USP38: variants seen among roughly 807,000 people sequenced by gnomAD.
The protein encoded by USP38 is ubiquitin specific peptidase 38.
USP38 carries 49 observed loss-of-function variants against 94.3 expected under a neutral mutation model. The ratio of observed to expected loss-of-function variants is 0.52; its 90% CI spans 0.41 to 0.66. USP38 has a LOEUF of 0.66. Ranked by LOEUF, USP38 falls within the 30% of genes least tolerant of loss-of-function variation. The pLI is 0.00. For missense variants in USP38, 1,128 were observed against 1,229.4 expected (o/e 0.92, Z 1.23); for synonymous variants, 468 against 463.6 (o/e 1.01, Z -0.12).
chr4:143,210,191 G>T (rs1429927158), intron 7 of USP38, among the ~76,000 whole-genome samples: 2 of 152,022 alleles, frequency 1.3e-5, no homozygotes, highest in Non-Finnish European at 2.9e-5. Context: ...TTAATCCGGG[G>T]TCATTAATTT....
chr4:143,189,390 A>T (rs1731330254), intron 2 of USP38, among the ~76,000 whole-genome samples: 1 of 151,908 alleles, frequency 6.6e-6, no homozygotes. Flanking sequence ...GTGTATATTA[A>T]GCACATTTAC....
chr4:143,215,334 T>C, intron 9 of USP38: 1 of 179,674 alleles, frequency 5.6e-6, no homozygotes, highest in Non-Finnish European at 1.2e-5. Context: ...TTTTAAGGGC[T>C]GTTTATTGAT....
At position 143,214,083 on chromosome 4, in the gene USP38, A is replaced by C. The variant is rs767639331; in HGVS notation, c.2107A>C (p.Asn703His). ...VPNESNKILV[N>H]KDVPQKPGGE... ...TAACGAATCTAACAAGATTCTTGTT[A>C]ATAAAGATGTACCTCAGAAACCAGG... Residue 703 changes from asparagine (N) to histidine (H), a missense_variant, in exon 9 of 10, where the codon AAT (asparagine) becomes CAT (histidine). By Grantham distance (68) the Asn-to-His change is moderately conservative (BLOSUM62 1). Transcript: ENST00000307017. 2 of 1,613,652 alleles carry C rather than the reference A, an allele frequency of 1.2e-6. No homozygotes were observed. The highest frequency in any genetic ancestry group is 2.2e-5 in the South Asian group (2 of 91,030).
chr4:143,210,826 G>A (rs1431446802), intron 7 of USP38, among the ~76,000 whole-genome samples: 2 of 151,902 alleles, frequency 1.3e-5, no homozygotes, highest in Non-Finnish European at 2.9e-5. Context: ...TACAAGCTGA[G>A]AAATATCTCA....
intron 7 of USP38, among the ~76,000 whole-genome samples, chr4:143,210,707 C>A (rs942283201): frequency 1.4e-4 from 21 of 151,820 alleles, no homozygotes; most frequent in African/African-American, 5.1e-4. Context: ...GTTTTACTTT[C>A]ATTGCCTTTA....
In USP38 at chr4:143,214,766, G is replaced by T. The variant is rs749406936; in HGVS notation, c.2790G>T (p.Gln930His). Reference sequence around the variant, plus strand: ...CATTTACTTCATTTCAGTCAGTCCAGAAAATTACGAGCAGGTTTCCAAAGG... The same window carrying T: ...CATTTACTTCATTTCAGTCAGTCCATAAAATTACGAGCAGGTTTCCAAAGG... The part of the protein sequence containing the change: ...RVTFTSFQSV[Q>H]KITSRFPKDT... Residue 930 changes from glutamine (Q) to histidine (H), a missense_variant, in exon 9 of 10, where the codon CAG becomes CAT. Coordinates refer to ENST00000307017, the MANE Select transcript of USP38 (RefSeq NM_032557.6). The T allele has an allele frequency of 6.2e-7, 1 of 1,613,736 alleles. No homozygotes were observed. The highest frequency in any genetic ancestry group is 8.5e-7 in the Non-Finnish European group (1 of 1,179,810).
chr4:143,220,399 A>G lies in USP38; in HGVS notation c.3072A>G (p.Gly1024=). The G allele has an allele frequency of 6.2e-7, 1 of 1,613,386 alleles. No homozygotes were observed. The highest frequency in any genetic ancestry group is 8.5e-7 in the Non-Finnish European group (1 of 1,179,578). Residue 1024 remains glycine, a synonymous_variant, in exon 10 of 10, where the codon GGA becomes GGG. Coordinates refer to ENST00000307017, the MANE Select transcript of USP38 (RefSeq NM_032557.6). ...ACAACGACCCACCAGGAAGCTGTGG[A>G]CCAACTGGTGGAGGGGGTGGAGGAG... ...FDDNDPPGSC[G]PTGGGGGGGF...
chr4:143,200,449 A>G (rs1048462743), intron 4 of USP38, among the ~76,000 whole-genome samples: 2 of 152,194 alleles, frequency 1.3e-5, no homozygotes, highest in African/African-American at 4.8e-5. Flanking sequence ...AAAAGCTAGA[A>G]GCATTCCCCT....
intron 9 of USP38, among the ~76,000 whole-genome samples, chr4:143,219,276 T>C (rs2149614568): frequency 6.6e-6 from 1 of 152,104 alleles, no homozygotes; most frequent in South Asian, 2.1e-4. Context: ...TACTGAAAAA[T>C]AAAGTATCTA....
chr4:143,208,108 T>C (rs1440117566), intron 6 of USP38, among the ~76,000 whole-genome samples: 4 of 152,170 alleles, frequency 2.6e-5, no homozygotes, highest in Admixed American at 2.6e-4. Flanking sequence ...ATATATTCTT[T>C]TCCAGCCACT....
rs1732304089 is a variant in USP38, at chr4:143,220,725, A to G, written c.*269A>G. ...AGAAGAAAATATGTACCTGGTCCCT[A>G]ATTAAGCTGCGTTAAATTTGGTAGA... On this transcript the variant is annotated 3_prime_UTR_variant, in exon 10 of 10. Coordinates refer to ENST00000307017, the MANE Select transcript of USP38 (RefSeq NM_032557.6). The G allele has an allele frequency of 4.0e-6, 1 of 253,040 alleles. No individual in the cohort carries two copies. The highest frequency in any genetic ancestry group is 2.2e-5 in the African/African-American group (1 of 44,920). The allele number at this position is 253,040 out of a possible 1,614,324, so 15.7% of individuals were successfully genotyped here. A position where few individuals can be genotyped will look rare whatever the true frequency, so the allele number is the denominator to read the frequency against.
At chr4:143,213,417 G>T (rs956302569) in intron 8 of USP38, among the ~76,000 whole-genome samples, 164 bp from the exon 9 acceptor site, 1 of 152,002 alleles carries the variant, frequency 6.6e-6, no homozygotes, top group African/African-American at 2.4e-5. Context: ...CTTTTTTTCT[G>T]CATTCTCAAA....
chr4:143,190,540 T>C (rs1267260103), intron 2 of USP38, among the ~76,000 whole-genome samples: 1 of 152,084 alleles, frequency 6.6e-6, no homozygotes. Flanking sequence ...TGGCCTGATG[T>C]TGGTGTTTAT....
rs946328456 is a variant in USP38 at position 143,221,839 on chromosome 4, A to G, written c.*1383A>G. 2.6e-5 allele frequency: 4 copies of G among 152,248 alleles called. No homozygotes were observed. Among genetic ancestry groups the G allele is most frequent in the African/African-American group, 9.6e-5 (4 of 41,572 alleles). The allele number at this position is 152,248 out of a possible 1,614,324, so 9.4% of individuals were successfully genotyped here. A position where few individuals can be genotyped will look rare whatever the true frequency, so the allele number is the denominator to read the frequency against. ...CAAGCTTTTATGACAGTGGTTAAAA[A>G]ACAGAAATCCTCATGTTTATTCCAT... On this transcript the variant is annotated 3_prime_UTR_variant, in exon 10 of 10. Coordinates refer to ENST00000307017, the MANE Select transcript of USP38 (RefSeq NM_032557.6).
chr4:143,220,240 T>A, intron 9 of USP38, 55 bp from the exon 10 acceptor site: 1 of 1,514,126 alleles, frequency 6.6e-7, no homozygotes, highest in South Asian at 1.3e-5. Context: ...ATAGGTGATA[T>A]AACGATCCAT....
At chr4:143,212,283 T>C (rs1455447122) in intron 7 of USP38, 35 bp from the exon 8 acceptor site, 3 of 1,482,948 alleles carry the variant, frequency 2.0e-6, no homozygotes, top group Admixed American at 3.7e-5. Flanking sequence ...GCTATAAGAA[T>C]CACTTCCTTA....
At chr4:143,215,074 G>C in intron 9 of USP38, 131 bp downstream of exon 9, 1 of 928,458 alleles carries the variant, frequency 1.1e-6, no homozygotes, top group South Asian at 1.8e-5. Flanking sequence ...TTTACATGAA[G>C]TATTCTCAAC....
chr4:143,207,549 AAGAGAG>A (rs530142564), intron 6 of USP38, among the ~76,000 whole-genome samples: 1 of 151,986 alleles, frequency 6.6e-6, no homozygotes, highest in East Asian at 1.9e-4. Context: ...AAAAGAAAGA[AAGAGAG>A]AGAGAGAAGA....
Position 143,223,847 on chromosome 4 carries a change from G to GT in USP38, c.*3397dup, listed in dbSNP as rs1023795271. The GT allele has an allele frequency of 1.3e-5, 2 of 151,826 alleles. No individual in the cohort carries two copies. The highest frequency in any genetic ancestry group is 4.8e-5 in the African/African-American group (2 of 41,334). 9.4% of individuals were successfully genotyped at this position (151,826 alleles called of 1,614,324 possible). ...TAGTTTATATATCCTTTCATCATAC[G>GT]TTTTTTCTAATGAGTTTAGATTTCT... On this transcript the variant is annotated 3_prime_UTR_variant, in exon 10 of 10. Transcript: ENST00000307017.
Sources: gnomAD v4.1 joint callset for allele counts (sites outside exome capture counted in the v4.1 genomes callset) on GRCh38, gnomAD v4.1.1 for gene constraint, MANE v1.5 for transcripts, NCBI Gene and HGNC (gene_info 2026-07-23, HGNC 2026-07-21) for gene names.